The following NPAS2 variants were observed in gnomAD, a reference collection of about 807,000 sequenced individuals.
NPAS2 encodes neuronal PAS domain protein 2.
A neutral mutation model predicts 107.5 loss-of-function variants in NPAS2; 23 were observed. The ratio of observed to expected loss-of-function variants is 0.21; its 90% confidence interval spans 0.15 to 0.30. The LOEUF is 0.30. Ranked by LOEUF, NPAS2 falls within the 10% of genes least tolerant of loss-of-function variation. The pLI is 1.00. For missense variants in NPAS2, 756 were observed against 1,043.3 expected (o/e 0.72, Z 3.79); for synonymous variants, 403 against 417.5 (o/e 0.97, Z 0.42).
intron 16 of NPAS2, chr2:100,986,911 T>C (rs948346310): frequency 1.3e-5 from 2 of 152,246 alleles, no homozygotes; most frequent in African/African-American, 4.8e-5. Context: ...AAGTAAAATC[T>C]TTCTAAGCAC....
At chr2:100,869,800 C>T (rs1679456339) in intron 1 of NPAS2, among the ~76,000 whole-genome samples, 1 of 152,196 alleles carries the variant, frequency 6.6e-6, no homozygotes, top group African/African-American at 2.4e-5. Flanking sequence ...ATCAAAAAGG[C>T]TTGGGCCGGG....
chr2:100,878,359 G>A (rs1351473320), intron 1 of NPAS2: 68 of 985,308 alleles, frequency 6.9e-5, no homozygotes, highest in Non-Finnish European at 7.6e-5. Context: ...CACCCACAAC[G>A]GAATGTCCTT....
At chr2:100,879,540 C>A (rs1013797803) in intron 1 of NPAS2, among the ~76,000 whole-genome samples, 1 of 152,074 alleles carries the variant, frequency 6.6e-6, no homozygotes, top group Non-Finnish European at 1.5e-5. Context: ...CCACTATTTT[C>A]TTCTCTTATC....
At position 100,875,796 on chromosome 2, in the gene NPAS2, GAAAGC is replaced by G. The variant is rs142104054; in HGVS notation, c.-22-28936_-22-28932del. Among the ~76,000 whole-genome samples the G allele has an allele frequency of 3.1e-4, 47 of 152,330 alleles. No individual in the cohort carries two copies. The East Asian group carries it at 5.6e-3, about 18-fold the overall frequency. ...AACGCAGAACAATGGCAGACGGCAT[GAAAGC>G]TTTCCCAGGGTTATTTTTCCCTTGA... is the stretch of plus-strand genomic sequence containing the variant. On this transcript the variant is annotated intron_variant, in intron 1 of 20. Transcript: ENST00000335681.
At chr2:100,928,149 T>C (rs58620306) in intron 3 of NPAS2, among the ~76,000 whole-genome samples, 22,351 of 152,014 alleles carry the variant, frequency 0.15, 1,834 homozygotes, top group South Asian at 0.18. Flanking sequence ...TGATATATCC[T>C]CATATTATTT....
chr2:100,921,122 G>A (rs775586156), intron 2 of NPAS2, among the ~76,000 whole-genome samples: 140 of 152,336 alleles, frequency 9.2e-4, no homozygotes, highest in Middle Eastern at 3.4e-3. Flanking sequence ...AACAGATCCC[G>A]CCACAGTGAT....
rs996558808 is a variant in NPAS2 at position 100,975,306 on chromosome 2, G to C, written c.1283-152G>C. On this transcript the variant is annotated intron_variant, in intron 13 of 20. Transcript: ENST00000335681. ...CTACCTGCTCCCAGGCTGGGCTTCT[G>C]TGGTTCAGCTCAACCCTGCATGGTG... 2.0e-5 allele frequency: 14 copies of C among 712,980 alleles called. No individual in the cohort carries two copies. In the African/African-American group the frequency reaches 2.5e-4, roughly 13 times the overall value. 44.2% of individuals were successfully genotyped at this position (712,980 alleles called of 1,614,324 possible). A position where few individuals can be genotyped will look rare whatever the true frequency, so the allele number is the denominator to read the frequency against.
chr2:100,948,021 G>A lies in NPAS2; in HGVS notation c.364-214G>A, dbSNP rs75450657. Among the ~76,000 whole-genome samples, 1,447 of 152,330 alleles carry A rather than the reference G, an allele frequency of 9.5e-3. 32 individuals carry two copies. Among genetic ancestry groups the A allele is most frequent in the African/African-American group, 0.03 (1,252 of 41,562 alleles). On this transcript the variant is annotated intron_variant, in intron 5 of 20. Transcript: ENST00000335681. Reference sequence around the variant, plus strand: ...CTCTTAGTTCCCTCCTTGGCCCACAGACAACAGCACATATGCATTTGAACA... The same window carrying A: ...CTCTTAGTTCCCTCCTTGGCCCACAAACAACAGCACATATGCATTTGAACA...
chr2:100,954,015 G>A (rs1163080042), intron 7 of NPAS2, among the ~76,000 whole-genome samples: 1 of 152,214 alleles, frequency 6.6e-6, no homozygotes, highest in African/African-American at 2.4e-5. Context: ...ACCATGCAGG[G>A]CCACACAGAG....
At chr2:100,947,923 C>T (rs11688244) in intron 5 of NPAS2, among the ~76,000 whole-genome samples, 2,261 of 152,304 alleles carry the variant, frequency 0.015, 33 homozygotes, top group Middle Eastern at 0.051. Flanking sequence ...CCAGCCAAAA[C>T]GCAGGAGTGT....
At chr2:100,821,156 G>A (rs1676047168) in intron 1 of NPAS2, 1 of 1,304,770 alleles carries the variant, frequency 7.7e-7, no homozygotes, top group Non-Finnish European at 1.0e-6. Context: ...GCTAAATTCA[G>A]AACCAGTCCC....
chr2:100,979,502 A>ATTTTTTTT (rs757799235), intron 15 of NPAS2, among the ~76,000 whole-genome samples: 2 of 43,332 alleles, frequency 4.6e-5, no homozygotes, highest in African/African-American at 9.8e-5. Context: ...ATATATATAT[A>ATTTTTTTT]TTTTTTTTTT....
At chr2:100,830,102 T>G (rs1284786606) in intron 1 of NPAS2, among the ~76,000 whole-genome samples, 1 of 152,206 alleles carries the variant, frequency 6.6e-6, no homozygotes, top group Non-Finnish European at 1.5e-5. Context: ...CTCTTTGGTC[T>G]TTGTTGCATG....
chr2:100,826,304 T>A (rs1460996255), intron 1 of NPAS2, among the ~76,000 whole-genome samples: 1 of 152,132 alleles, frequency 6.6e-6, no homozygotes, highest in African/African-American at 2.4e-5. Flanking sequence ...TAGCTGGGCA[T>A]GGTGGCACAT....
intron 1 of NPAS2, among the ~76,000 whole-genome samples, chr2:100,900,311 A>G (rs1184182832): frequency 6.6e-6 from 1 of 152,204 alleles, no homozygotes; most frequent in Admixed American, 6.5e-5. Flanking sequence ...ACAAAAGAAG[A>G]TATCTAAATA....
intron 1 of NPAS2, among the ~76,000 whole-genome samples, chr2:100,867,566 G>A (rs1444191437): frequency 6.6e-6 from 1 of 152,076 alleles, no homozygotes; most frequent in African/African-American, 2.4e-5. Flanking sequence ...TACTCTTTAA[G>A]TTTTCTGTTT....
chr2:100,947,184 G>A (rs1365065706), intron 5 of NPAS2, among the ~76,000 whole-genome samples: 3 of 152,132 alleles, frequency 2.0e-5, no homozygotes, highest in East Asian at 1.9e-4. Context: ...CTGTCTCCTC[G>A]GTCCACTGTG....
At chr2:100,883,089 T>A (rs188806212) in intron 1 of NPAS2, among the ~76,000 whole-genome samples, 1 of 152,308 alleles carries the variant, frequency 6.6e-6, no homozygotes, top group East Asian at 1.9e-4. Context: ...TATGATGGAT[T>A]GGAACCTACA....
chr2:100,836,799 T>C (rs1161303465), intron 1 of NPAS2, among the ~76,000 whole-genome samples: 1 of 152,194 alleles, frequency 6.6e-6, no homozygotes, highest in Admixed American at 6.5e-5. Flanking sequence ...GAAAGAGGTA[T>C]ACAGGGTTTG....
Sources: allele counts gnomAD v4.1 joint callset (sites outside exome capture counted in the v4.1 genomes callset), GRCh38; gene constraint gnomAD v4.1.1; transcripts MANE v1.5; gene names NCBI Gene and HGNC (gene_info 2026-07-23, HGNC 2026-07-21).